The following WWTR1 variants were observed in gnomAD, a reference collection of about 807,000 sequenced individuals.
WWTR1 encodes WW domain-containing transcription regulator protein 1.
A neutral mutation model predicts 40.1 loss-of-function variants in WWTR1; 13 were observed. The observed-to-expected ratio is 0.32, with a 90% confidence interval of 0.21 to 0.52. WWTR1 has a LOEUF of 0.52. Among genes scored for constraint, WWTR1 ranks in the 20% least tolerant of loss-of-function variants. WWTR1 has a pLI of 0.97. For synonymous variants in WWTR1, 230 were observed against 210.1 expected (o/e 1.09, Z -0.82); for missense variants, 436 against 523.1 (o/e 0.83, Z 1.63).
chr3:149,606,372 T>A (rs1218028136), intron 2 of WWTR1, among the ~76,000 whole-genome samples: 1 of 152,232 alleles, frequency 6.6e-6, no homozygotes, highest in Non-Finnish European at 1.5e-5. Context: ...TTTCAAACAT[T>A]CTGGCCCTAT....
chr3:149,572,979 T>C lies in WWTR1; in HGVS notation c.453A>G (p.Thr151=), dbSNP rs1461491208. The C allele has an allele frequency of 6.3e-7, 1 of 1,592,984 alleles. No individual in the cohort carries two copies. Among genetic ancestry groups the C allele is most frequent in the Non-Finnish European group, 8.5e-7 (1 of 1,174,842 alleles). ...YFLNHIEKIT[T]WQDPRKAMNQ... is the part of the protein sequence containing the mutation. ...TCATCGCCTTCCTAGGGTCTTGCCA[T>C]GTGGTGATTTTTTCTATGTGACTAA... is the stretch of plus-strand genomic sequence containing the variant. Residue 151 remains threonine, a synonymous_variant, in exon 3 of 7, where the codon ACA becomes ACG. Transcript: ENST00000360632.
chr3:149,646,912 T>C (rs1712564269), intron 2 of WWTR1, among the ~76,000 whole-genome samples: 1 of 152,118 alleles, frequency 6.6e-6, no homozygotes, highest in Non-Finnish European at 1.5e-5. Flanking sequence ...AAAGAAACAA[T>C]TAAATGTCCA....
rs377040673 is a variant in WWTR1, at chr3:149,587,677, C to T, written c.432-14677G>A. Among the ~76,000 whole-genome samples the T allele has an allele frequency of 2.6e-5, 4 of 152,278 alleles. No individual in the cohort carries two copies. The East Asian group carries it at 7.7e-4, about 29-fold the overall frequency. On this transcript the variant is annotated intron_variant, in intron 2 of 6. Transcript: ENST00000360632. ...AGTTTTCTTAGGAGTAGAGGAAATACGTGCGAATAACATTAAAATGTCCTT... is the reference window on the plus strand; with the variant it reads ...AGTTTTCTTAGGAGTAGAGGAAATATGTGCGAATAACATTAAAATGTCCTT...
At chr3:149,716,330 C>T (rs149885091) in intron 5 of WWTR1, among the ~76,000 whole-genome samples, 2,934 of 151,188 alleles carry the variant, frequency 0.019, 99 homozygotes, top group African/African-American at 0.067. Flanking sequence ...TGCAGTGAGC[C>T]GAGATCACAC....
At chr3:149,581,460 G>A (rs1326115222) in intron 2 of WWTR1, among the ~76,000 whole-genome samples, 1 of 152,104 alleles carries the variant, frequency 6.6e-6, no homozygotes, top group East Asian at 1.9e-4. Context: ...ATAGTTGAAA[G>A]TTTCCGGTCA....
At chr3:149,562,574 CT>C (rs36042645) in intron 3 of WWTR1, among the ~76,000 whole-genome samples, 17,471 of 143,326 alleles carry the variant, frequency 0.12, 1,340 homozygotes, top group Middle Eastern at 0.19. Flanking sequence ...TGTTTAGAAC[CT>C]TTTTTTTTTC....
chr3:149,576,249 A>C (rs1205984530), intron 2 of WWTR1: 6 of 369,010 alleles, frequency 1.6e-5, no homozygotes, highest in Non-Finnish European at 3.2e-5. Context: ...GAGGCACTTA[A>C]TACAGCCTTG....
In WWTR1 at chr3:149,603,296, G is replaced by A. The variant is rs546850116; in HGVS notation, c.432-30296C>T. Among the ~76,000 whole-genome samples, 10 of 152,240 alleles carry A rather than the reference G, an allele frequency of 6.6e-5. No individual in the cohort carries two copies. In the South Asian group the frequency reaches 2.1e-3, roughly 32 times the overall value. On this transcript the variant is annotated intron_variant, in intron 2 of 6. Coordinates refer to ENST00000360632, the MANE Select transcript of WWTR1 (RefSeq NM_015472.6). ...TAAAAGGAAAATGGAGTTCATGACT[G>A]AAATCAAGCTGGGCAGAGACATAAA...
chr3:149,618,172 C>T (rs1330806786), intron 2 of WWTR1, among the ~76,000 whole-genome samples: 2 of 152,218 alleles, frequency 1.3e-5, no homozygotes, highest in Non-Finnish European at 2.9e-5. Context: ...GCAGGCATGT[C>T]CTCTCAGAAG....
chr3:149,652,446 C>T (rs775380818), intron 2 of WWTR1, among the ~76,000 whole-genome samples: 2 of 150,856 alleles, frequency 1.3e-5, no homozygotes, highest in Non-Finnish European at 3.0e-5. Context: ...GCATAGGAAA[C>T]CCTGTCTCTA....
chr3:149,684,375 GC>G (rs1211179782), intron 1 of WWTR1, among the ~76,000 whole-genome samples: 1 of 151,940 alleles, frequency 6.6e-6, no homozygotes, highest in Admixed American at 6.6e-5. Context: ...GAAATGTATG[GC>G]TGGGACACGG....
At chr3:149,694,114 C>T (rs1576643572) in intron 1 of WWTR1, among the ~76,000 whole-genome samples, 1 of 152,332 alleles carries the variant, frequency 6.6e-6, no homozygotes, top group Non-Finnish European at 1.5e-5. Flanking sequence ...GATTAATAGG[C>T]TGGGCGCGGT....
intron 3 of WWTR1, among the ~76,000 whole-genome samples, chr3:149,553,964 C>T (rs918516112): frequency 6.6e-6 from 1 of 152,142 alleles, no homozygotes; most frequent in African/African-American, 2.4e-5. Flanking sequence ...ACGCGTCTCT[C>T]GCCCTCCTTG....
upstream of WWTR1, among the ~76,000 whole-genome samples, chr3:149,662,226 A>G (rs1713618845): frequency 6.6e-6 from 1 of 152,048 alleles, no homozygotes; most frequent in East Asian, 1.9e-4. Flanking sequence ...GTAACTCTAG[A>G]GCAGAGTGCA....
chr3:149,537,993 C>T (rs973223155), intron 4 of WWTR1, among the ~76,000 whole-genome samples: 1 of 151,698 alleles, frequency 6.6e-6, no homozygotes, highest in Non-Finnish European at 1.5e-5. Context: ...GATCTCAGCT[C>T]ACTGCAACCT....
chr3:149,543,780 T>A (rs1736248054), intron 3 of WWTR1, among the ~76,000 whole-genome samples: 1 of 151,216 alleles, frequency 6.6e-6, no homozygotes, highest in African/African-American at 2.4e-5. Flanking sequence ...TTCAGTCTAT[T>A]TCCTCCTAGG....
chr3:149,679,282 T>C (rs1485020810), intron 1 of WWTR1, among the ~76,000 whole-genome samples: 1 of 152,350 alleles, frequency 6.6e-6, no homozygotes, highest in South Asian at 2.1e-4. Flanking sequence ...ATACATATGT[T>C]TGAATTTAGT....
intron 2 of WWTR1, among the ~76,000 whole-genome samples, chr3:149,598,465 C>G (rs1304926157): frequency 6.6e-6 from 1 of 152,106 alleles, no homozygotes; most frequent in Non-Finnish European, 1.5e-5. Flanking sequence ...GAATTTGGAC[C>G]CAAGTCTGAC....
intron 2 of WWTR1, among the ~76,000 whole-genome samples, chr3:149,663,895 G>A (rs1713694456): frequency 6.6e-6 from 1 of 152,222 alleles, no homozygotes; most frequent in Non-Finnish European, 1.5e-5. Context: ...CAAGCTCTCT[G>A]AGAACAAGTC....
Sources: allele counts gnomAD v4.1 joint callset (sites outside exome capture counted in the v4.1 genomes callset), GRCh38; gene constraint gnomAD v4.1.1; transcripts MANE v1.5; gene names NCBI Gene and HGNC (gene_info 2026-07-23, HGNC 2026-07-21).